GBE1: variants seen among roughly 807,000 people sequenced by gnomAD.
GBE1 encodes 1,4-alpha-glucan-branching enzyme.
In GBE1, 70 loss-of-function variants were observed where a neutral mutation model predicts 88.8. The observed-to-expected ratio is 0.79, with a 90% CI of 0.65 to 0.96. The LOEUF (loss-of-function observed/expected upper bound fraction) is 0.96, where lower values mean the gene tolerates loss of function less well. GBE1 is among the 40% of genes least tolerant of loss of function. The pLI is 0.00. For synonymous variants in GBE1, 284 were observed against 300.1 expected, an observed-to-expected ratio of 0.95 and a Z score of 0.56; for missense variants, 872 against 871.0, an observed-to-expected ratio of 1.00 and a Z score of -0.01.
chr3:81,710,164 C>G (rs1705839751), intron 1 of GBE1, among the ~76,000 whole-genome samples: 1 of 146,480 alleles, frequency 6.8e-6, no homozygotes, highest in Admixed American at 6.8e-5. Flanking sequence ...AGTTAAATCT[C>G]AAATTAAAAG....
intron 7 of GBE1, among the ~76,000 whole-genome samples, chr3:81,625,097 G>A (rs1227049204): frequency 1.3e-5 from 2 of 150,730 alleles, no homozygotes; most frequent in South Asian, 4.2e-4. Flanking sequence ...ATGAGGGAGG[G>A]GGAGGGGGAG....
chr3:81,634,983 C>T (rs1704571701), intron 7 of GBE1, among the ~76,000 whole-genome samples: 1 of 152,084 alleles, frequency 6.6e-6, no homozygotes, highest in Non-Finnish European at 1.5e-5. Context: ...GGGGAACCCA[C>T]CTGGACAGCT....
At chr3:81,714,791 C>A (rs780531650) in intron 1 of GBE1, among the ~76,000 whole-genome samples, 2 of 152,174 alleles carry the variant, frequency 1.3e-5, no homozygotes, top group Non-Finnish European at 2.9e-5. Flanking sequence ...AGACTGAGAA[C>A]CAGCAGATCC....
intron 3 of GBE1, among the ~76,000 whole-genome samples, chr3:81,668,996 C>T (rs1705152575): frequency 6.6e-6 from 1 of 152,034 alleles, no homozygotes; most frequent in African/African-American, 2.4e-5. Context: ...ATTACAGTAC[C>T]AGGTACACAG....
At chr3:81,623,151 A>G (rs896256902) in intron 7 of GBE1, among the ~76,000 whole-genome samples, 2 of 152,206 alleles carry the variant, frequency 1.3e-5, no homozygotes, top group Non-Finnish European at 2.9e-5. Flanking sequence ...ACAAGGGCCT[A>G]CAAGGTTTTA....
chr3:81,616,525 T>C (rs1182574628), intron 7 of GBE1, among the ~76,000 whole-genome samples: 1 of 152,132 alleles, frequency 6.6e-6, no homozygotes, highest in African/African-American at 2.4e-5. Flanking sequence ...CGTAGGTCTA[T>C]TTCTGGGTTG....
At chr3:81,746,270 GT>G (rs537653119) in intron 1 of GBE1, among the ~76,000 whole-genome samples, 1 of 151,472 alleles carries the variant, frequency 6.6e-6, no homozygotes, top group African/African-American at 2.4e-5. Context: ...AACGTTTTAA[GT>G]TTTTTTTTCT....
chr3:81,743,647 C>G, intron 1 of GBE1: 2 of 1,513,318 alleles, frequency 1.3e-6, no homozygotes, highest in Non-Finnish European at 1.8e-6. Flanking sequence ...CCAGAAAGGT[C>G]TAGGGCTATT....
Position 81,649,931 on chromosome 3 carries a change from G to T in GBE1, c.430-10C>A. 1 of 1,598,742 alleles carries T rather than the reference G, an allele frequency of 6.3e-7. No homozygotes were observed. The highest frequency in any genetic ancestry group is 8.6e-7 in the Non-Finnish European group (1 of 1,167,908). On this transcript the variant is annotated splice_polypyrimidine_tract_variant and intron_variant, in intron 3 of 15. Coordinates refer to ENST00000429644, the MANE Select transcript of GBE1 (RefSeq NM_000158.4). ...TACTAGTAATAACTACCTAAAAAGA[G>T]AATGACATGTTATTGCTTTAAAATA...
At chr3:81,619,743 T>C (rs1186404408) in intron 7 of GBE1, among the ~76,000 whole-genome samples, 1 of 152,114 alleles carries the variant, frequency 6.6e-6, no homozygotes, top group African/African-American at 2.4e-5. Context: ...CTTTAGGGAC[T>C]TAATTAAAAT....
intron 12 of GBE1, among the ~76,000 whole-genome samples, chr3:81,560,043 C>T (rs939643479): frequency 2.7e-4 from 41 of 152,036 alleles, no homozygotes; most frequent in Non-Finnish European, 3.8e-4. Flanking sequence ...GAGAGTCTTG[C>T]TTTAATAAAT....
chr3:81,503,814 G>A (rs1168891042), intron 14 of GBE1, among the ~76,000 whole-genome samples: 2 of 152,064 alleles, frequency 1.3e-5, no homozygotes, highest in African/African-American at 4.8e-5. Flanking sequence ...TTATTTCTCA[G>A]GTTGAAATTC....
intron 7 of GBE1, among the ~76,000 whole-genome samples, chr3:81,603,705 A>G (rs886308961): frequency 1.3e-5 from 2 of 152,060 alleles, no homozygotes; most frequent in African/African-American, 4.8e-5. Flanking sequence ...CATGTTGGCC[A>G]GGCTGGTATT....
intron 1 of GBE1, among the ~76,000 whole-genome samples, chr3:81,711,113 G>T (rs563741366): frequency 6.6e-6 from 1 of 152,278 alleles, no homozygotes; most frequent in South Asian, 2.1e-4. Flanking sequence ...TTACAGAAAG[G>T]ACTGTGAACA....
At chr3:81,545,959 T>A (rs1288458189) in intron 12 of GBE1, among the ~76,000 whole-genome samples, 1 of 152,132 alleles carries the variant, frequency 6.6e-6, no homozygotes, top group Non-Finnish European at 1.5e-5. Flanking sequence ...CAAGTCACCT[T>A]TATGTTATTT....
intron 2 of GBE1, among the ~76,000 whole-genome samples, chr3:81,694,866 G>T (rs369075135): frequency 6.6e-6 from 1 of 152,076 alleles, no homozygotes; most frequent in African/African-American, 2.4e-5. Context: ...TAAGACAGCC[G>T]ACTGAAGGAC....
intron 14 of GBE1, among the ~76,000 whole-genome samples, chr3:81,501,684 C>T (rs1027053572): frequency 1.1e-5 from 1 of 94,484 alleles, no homozygotes; most frequent in Non-Finnish European, 2.0e-5. Flanking sequence ...TACTTAGGGG[C>T]ACTTTTTTTT....
intron 7 of GBE1, among the ~76,000 whole-genome samples, chr3:81,607,008 A>G (rs1327969404): frequency 6.6e-6 from 1 of 152,182 alleles, no homozygotes; most frequent in Non-Finnish European, 1.5e-5. Context: ...AAATATTTGT[A>G]AACTGAAGAA....
At chr3:81,495,880 T>C (rs1702494823) in intron 15 of GBE1, among the ~76,000 whole-genome samples, 1 of 152,192 alleles carries the variant, frequency 6.6e-6, no homozygotes, top group South Asian at 2.1e-4. Flanking sequence ...AGTAAATACA[T>C]CTACTTCTTA....
Sources: gnomAD v4.1 joint callset for allele counts (sites outside exome capture counted in the v4.1 genomes callset) on GRCh38, gnomAD v4.1.1 for gene constraint, MANE v1.5 for transcripts, NCBI Gene and HGNC (gene_info 2026-07-23, HGNC 2026-07-21) for gene names.